Variants in SMUG1 observed in about 807,000 individuals in gnomAD.
SMUG1 encodes the protein single-strand-selective monofunctional uracil-DNA glycosylase 1, also known as single-strand selective monofunctional uracil DNA glycosylase.
In SMUG1, 13 loss-of-function variants were observed where a neutral mutation model predicts 23.9. The ratio of observed to expected loss-of-function variants is 0.54; its 90% CI spans 0.35 to 0.86. SMUG1 has a LOEUF of 0.86. Ranked by LOEUF, SMUG1 falls within the 40% of genes least tolerant of loss-of-function variation. SMUG1 has a pLI of 0.01. For missense variants in SMUG1, 313 were observed against 339.5 expected (o/e 0.92, Z 0.61); for synonymous variants, 133 against 139.8 (o/e 0.95, Z 0.34).
downstream of SMUG1, among the ~76,000 whole-genome samples, chr12:54,178,657 C>T (rs971153524): frequency 6.6e-6 from 1 of 152,194 alleles, no homozygotes; most frequent in Non-Finnish European, 1.5e-5. Context: ...TCCCCCACTA[C>T]ACTTTAAATT....
chr12:54,186,577 T>A (rs58940788), intron 2 of SMUG1, among the ~76,000 whole-genome samples: 192 of 152,142 alleles, frequency 1.3e-3, no homozygotes, highest in African/African-American at 4.5e-3. Flanking sequence ...CCTGACCTCA[T>A]GATCTGCCTG....
rs1734815307 is a variant in SMUG1, at chr12:54,181,379, C to T, written c.*717G>A. The T allele has an allele frequency of 6.3e-6, 4 of 634,700 alleles. No homozygotes were observed. Among genetic ancestry groups the T allele is most frequent in the Admixed American group, 2.8e-5 (1 of 36,052 alleles). The allele number at this position is 634,700 out of a possible 1,614,324, so 39.3% of individuals were successfully genotyped here. ...GACTATGTAATGAGCACCCACATGC[C>T]AAGCCCATGCAAGGCACTTTCAAGT... On this transcript the variant is annotated 3_prime_UTR_variant, in exon 4 of 4. Transcript: ENST00000682136.
chr12:54,181,686 A>G lies in SMUG1; in HGVS notation c.*410T>C, dbSNP rs201442554. On this transcript the variant is annotated 3_prime_UTR_variant, in exon 4 of 4. Coordinates refer to ENST00000682136, the MANE Select transcript of SMUG1 (RefSeq NM_001243787.2). Reference sequence around the variant, plus strand: ...GGTCAGCTAAAGGTAACTGTTCTATAAGGATGGGTAGGTATCCTGGCAAGA... The same window carrying G: ...GGTCAGCTAAAGGTAACTGTTCTATGAGGATGGGTAGGTATCCTGGCAAGA... 5.5e-5 allele frequency: 87 copies of G among 1,577,432 alleles called. No individual in the cohort carries two copies. The highest frequency in any genetic ancestry group is 7.1e-5 in the Non-Finnish European group (83 of 1,168,512).
At chr12:54,176,833 A>G (rs1221709602), downstream of SMUG1, among the ~76,000 whole-genome samples, 1 of 151,796 alleles carries the variant, frequency 6.6e-6, no homozygotes, top group Non-Finnish European at 1.5e-5. Flanking sequence ...AAAAAAAAAA[A>G]AAAAAAAGAG....
intron 2 of SMUG1, among the ~76,000 whole-genome samples, chr12:54,185,280 G>A (rs575705629): frequency 5.3e-5 from 8 of 151,254 alleles, no homozygotes; most frequent in African/African-American, 1.9e-4. Flanking sequence ...ACTCCAGCAC[G>A]GGCAACAACA....
intron 2 of SMUG1, among the ~76,000 whole-genome samples, chr12:54,185,291 G>C (rs1044816195): frequency 2.0e-5 from 3 of 149,806 alleles, no homozygotes; most frequent in Non-Finnish European, 3.0e-5. Context: ...GGCAACAACA[G>C]TGAAACTCTC....
chr12:54,176,817 A>C (rs1292261786), downstream of SMUG1, among the ~76,000 whole-genome samples: 1 of 79,170 alleles, frequency 1.3e-5, no homozygotes. Context: ...AAAAAAATAA[A>C]AACTAAAAAA....
downstream of SMUG1, among the ~76,000 whole-genome samples, chr12:54,179,522 G>A (rs1243014833): frequency 1.3e-5 from 2 of 152,024 alleles, no homozygotes; most frequent in African/African-American, 4.8e-5. Context: ...CACTCACTAC[G>A]TAGCACTGAC....
chr12:54,184,094 C>T, intron 2 of SMUG1, 135 bp from the exon 3 acceptor site: 1 of 679,994 alleles, frequency 1.5e-6, no homozygotes, highest in East Asian at 2.8e-5. Flanking sequence ...CATCTACCAA[C>T]CACCAAGTAG....
intron 4 of SMUG1, among the ~76,000 whole-genome samples, chr12:54,159,268 C>T (rs907737369): frequency 2.0e-5 from 3 of 152,204 alleles, no homozygotes; most frequent in East Asian, 1.9e-4. Context: ...TGCAGTCCGT[C>T]CCCCAACAGG....
chr12:54,182,058 A>C lies in SMUG1; in HGVS notation c.*38T>G, dbSNP rs1286036556. On this transcript the variant is annotated 3_prime_UTR_variant, in exon 4 of 4. Coordinates refer to ENST00000682136, the MANE Select transcript of SMUG1 (RefSeq NM_001243787.2). ...ATCTGCTTGGCCAAGAATGACTTCG[A>C]GGTCTTGAATGTGTCCCATGCAAGG... is the stretch of plus-strand genomic sequence containing the variant. 2.0e-6 allele frequency: 3 copies of C among 1,514,716 alleles called. No individual in the cohort carries two copies. Among genetic ancestry groups the C allele is most frequent in the Non-Finnish European group, 2.6e-6 (3 of 1,132,466 alleles). The allele number at this position is 1,514,716 out of a possible 1,614,324, so 93.8% of individuals were successfully genotyped here.
chr12:54,176,529 G>A (rs1180417826), downstream of SMUG1, among the ~76,000 whole-genome samples: 27 of 115,170 alleles, frequency 2.3e-4, no homozygotes, highest in Non-Finnish European at 3.7e-4. Context: ...AAAAAAGGCC[G>A]GGCACGGTGG....
downstream of SMUG1, among the ~76,000 whole-genome samples, chr12:54,161,154 G>A (rs1419446112): frequency 2.0e-5 from 3 of 151,340 alleles, no homozygotes; most frequent in Non-Finnish European, 4.4e-5. This position sits in a 1 kb window ranked among gnomAD's most constrained non-coding sequence, Gnocchi z 4.2. Context: ...TCCTTTCTTC[G>A]CTTCTCCCTC....
In SMUG1 at chr12:54,182,581, T is replaced by C; in HGVS notation, c.328A>G (p.Ile110Val). 3.1e-6 allele frequency: 5 copies of C among 1,614,034 alleles called. No individual in the cohort carries two copies. The highest frequency in any genetic ancestry group is 4.2e-6 in the Non-Finnish European group (5 of 1,179,986). ...GGAGGGGTCAGCACAGGCCCCACAA[T>C]GCCCAACCAGTCCCGGACCATGCTT... ...EVSMVRDWLG[I>V]VGPVLTPPQE... is the part of the protein sequence containing the mutation. The change falls in exon 4 of 4, where the codon ATT becomes GTT. Residue 110 changes from isoleucine (I) to valine (V), a missense_variant. Transcript: ENST00000682136.
chr12:54,183,443 C>G, intron 3 of SMUG1: 1 of 587,518 alleles, frequency 1.7e-6, no homozygotes, highest in Admixed American at 3.0e-5. Flanking sequence ...ACAGGGAAAA[C>G]GAAACTACCA....
chr12:54,176,304 G>A (rs1416344890), downstream of SMUG1, among the ~76,000 whole-genome samples: 1 of 151,958 alleles, frequency 6.6e-6, no homozygotes, highest in Non-Finnish European at 1.5e-5. Flanking sequence ...AGGATTGCTT[G>A]AGTTCAGGAG....
At chr12:54,171,111 T>C (rs1038610221) in intron 3 of SMUG1, among the ~76,000 whole-genome samples, 3 of 151,602 alleles carry the variant, frequency 2.0e-5, no homozygotes, top group Admixed American at 2.0e-4. Flanking sequence ...CATTTCTCCC[T>C]GCCTCAGCAT....
In SMUG1 at chr12:54,188,140, A is replaced by T. The variant is rs561649440; in HGVS notation, c.-103-238T>A. 1.7e-4 allele frequency among the ~76,000 whole-genome samples: 26 copies of T among 152,148 alleles called. 1 individual carries two copies. The highest frequency in any genetic ancestry group is 5.5e-4 in the African/African-American group (23 of 41,504). On this transcript the variant is annotated intron_variant, in intron 1 of 3. Coordinates refer to ENST00000682136, the MANE Select transcript of SMUG1 (RefSeq NM_001243787.2). The stretch of plus-strand genomic sequence containing the variant: ...AGGCTGACCACCAAGGGCCGACTTC[A>T]GACTGATGTCAGACTTCTCTGACAT...
chr12:54,164,389 G>A (rs1257103744), downstream of SMUG1: 2 of 152,646 alleles, frequency 1.3e-5, no homozygotes, highest in Non-Finnish European at 2.9e-5. Context: ...AGGGGCAGTG[G>A]CCAGGAGAAA....
Sources: allele counts gnomAD v4.1 joint callset (sites outside exome capture counted in the v4.1 genomes callset), GRCh38; gene constraint gnomAD v4.1.1; non-coding constraint Gnocchi (gnomAD v3.1); transcripts MANE v1.5; gene names NCBI Gene and HGNC (gene_info 2026-07-23, HGNC 2026-07-21).